The following CEBPZ variants were observed in gnomAD, a reference collection of about 807,000 sequenced individuals.
The protein encoded by CEBPZ is CCAAT enhancer binding protein zeta, also known as CCAAT/enhancer-binding protein zeta.
Under a neutral mutation model 104.5 loss-of-function variants are expected in CEBPZ, and 78 were observed. The ratio of observed to expected loss-of-function variants is 0.75; its 90% CI spans 0.62 to 0.90. The LOEUF is 0.90. Ranked by LOEUF, CEBPZ falls within the 40% of genes least tolerant of loss-of-function variation. The pLI is 0.00. For missense variants in CEBPZ, 1,439 were observed against 1,233.5 expected (o/e 1.17, Z -2.50); for synonymous variants, 470 against 427.0 (o/e 1.10, Z -1.24).
intron 13 of CEBPZ, among the ~76,000 whole-genome samples, chr2:37,206,156 A>G (rs1212735419): frequency 6.6e-6 from 1 of 152,172 alleles, no homozygotes; most frequent in Non-Finnish European, 1.5e-5. Flanking sequence ...TGTGCTGAGG[A>G]GGAAAATGGC....
At chr2:37,204,301 C>CA (rs922966524) in intron 13 of CEBPZ, 6 of 118,948 alleles carry the variant, frequency 5.0e-5, no homozygotes, top group African/African-American at 1.9e-4. Context: ...TTTTTTGAGA[C>CA]AGAGTCTCGC....
At chr2:37,203,293 A>T (rs1677371366) in intron 13 of CEBPZ, 1 of 216,048 alleles carries the variant, frequency 4.6e-6, no homozygotes, top group Non-Finnish European at 9.0e-6. Context: ...GAAATAACAT[A>T]GTATCAAGCA....
intron 13 of CEBPZ, chr2:37,203,524 T>A (rs1184860383): frequency 1.3e-5 from 2 of 152,274 alleles, no homozygotes; most frequent in African/African-American, 4.8e-5. Context: ...TTATTCAAAC[T>A]CTGCATCTTT....
At chr2:37,217,302 A>G (rs11895496) in intron 5 of CEBPZ, among the ~76,000 whole-genome samples, 3,350 of 151,900 alleles carry the variant, frequency 0.022, 73 homozygotes, top group African/African-American at 0.061. Flanking sequence ...TCAGGAGGCT[A>G]AAGTGGGAGG....
chr2:37,210,962 A>G, intron 13 of CEBPZ, 37 bp downstream of exon 13: 1 of 1,457,634 alleles, frequency 6.9e-7, no homozygotes, highest in South Asian at 1.2e-5. Flanking sequence ...TTTCACATGG[A>G]CACTGCTTTT....
At chr2:37,202,636 C>T (rs146531594) in intron 15 of CEBPZ, 148 bp downstream of exon 15, 37 of 389,306 alleles carry the variant, frequency 9.5e-5, no homozygotes, top group African/African-American at 2.7e-4. Flanking sequence ...GGGAGTGAGA[C>T]GCTGTCTCAA....
rs1460693423 is a variant in CEBPZ at position 37,211,071 on chromosome 2, G to A, written c.2812C>T (p.His938Tyr). ...CTTTTCTTAGTACTGACTTTGGAGTGGACTTCAAGTTCTGTTACACGAAAA... is the reference window on the plus strand; with the variant it reads ...CTTTTCTTAGTACTGACTTTGGAGTAGACTTCAAGTTCTGTTACACGAAAA... ...ESESVPELEV[H>Y]SKVSTKKSKR... Residue 938 changes from histidine (H) to tyrosine (Y), a missense_variant, in exon 13 of 16, where the codon CAC becomes TAC. By Grantham distance (83) the His-to-Tyr change is moderately conservative. Transcript: ENST00000234170. 2.5e-6 allele frequency: 4 copies of A among 1,604,558 alleles called. No individual in the cohort carries two copies. Among genetic ancestry groups the A allele is most frequent in the African/African-American group, 1.3e-5 (1 of 74,610 alleles).
At position 37,216,416 on chromosome 2, in the gene CEBPZ, T is replaced by C. The variant is rs138013608; in HGVS notation, c.2211A>G (p.Gly737=). Residue 737 remains glycine, a splice_region_variant and synonymous_variant, in exon 7 of 16, where the codon GGA becomes GGG. Coordinates refer to ENST00000234170, the MANE Select transcript of CEBPZ (RefSeq NM_005760.3). The stretch of plus-strand genomic sequence containing the variant: ...GGTCCCCTGAATACTGAATATAGTT[T>C]CCCTGAAAAGTGGAGCGGGGATTTA... ...VALFAKTILQ[G]NYIQYSGDPL... 2.8e-4 allele frequency: 442 copies of C among 1,603,986 alleles called. No individual in the cohort carries two copies. The highest frequency in any genetic ancestry group is 3.6e-4 in the Non-Finnish European group (418 of 1,174,812).
At chr2:37,209,658 AAAGAT>A (rs1317419222) in intron 13 of CEBPZ, 12 of 152,338 alleles carry the variant, frequency 7.9e-5, no homozygotes, top group Middle Eastern at 3.4e-3. Flanking sequence ...TCGAAGACTT[AAAGAT>A]AAGACCTGAA....
chr2:37,210,892 A>T, intron 13 of CEBPZ, 107 bp downstream of exon 13: 2 of 477,552 alleles, frequency 4.2e-6, no homozygotes, highest in African/African-American at 2.0e-5. Flanking sequence ...AACCCCCCCC[A>T]CCCCTGAATT....
chr2:37,204,857 T>TTAC (rs1353368195), intron 13 of CEBPZ: 1 of 152,204 alleles, frequency 6.6e-6, no homozygotes, highest in Non-Finnish European at 1.5e-5. Context: ...AAACAGTACT[T>TTAC]TACTATTTGA....
At chr2:37,215,284 T>C (rs1677841568) in intron 8 of CEBPZ, 1 of 178,156 alleles carries the variant, frequency 5.6e-6, no homozygotes, top group Non-Finnish European at 1.2e-5. Context: ...CAAAGAGTTA[T>C]TTTAATAAAT....
chr2:37,210,884 C>A, intron 13 of CEBPZ, 115 bp downstream of exon 13: 5 of 414,308 alleles, frequency 1.2e-5, no homozygotes, highest in South Asian at 5.0e-5. Context: ...TTAAAAAGAA[C>A]CCCCCCCACC....
Position 37,228,594 on chromosome 2 carries a change from T to C in CEBPZ, c.599A>G (p.Asp200Gly), listed in dbSNP as rs182728769. ...AAGGGTTTTGTACTTAGATACAACATCCTGAGGCTGGGGTTTCAAAGAATA... is the reference window on the plus strand; with the variant it reads ...AAGGGTTTTGTACTTAGATACAACACCCTGAGGCTGGGGTTTCAAAGAATA... ...NEYSLKPQPQ[D>G]VVSKYKTLAQ... Residue 200 changes from aspartate to glycine, a missense_variant, in exon 2 of 16, where the codon GAT becomes GGT. Coordinates refer to ENST00000234170, the MANE Select transcript of CEBPZ (RefSeq NM_005760.3). 220 of 1,614,238 alleles carry C rather than the reference T, an allele frequency of 1.4e-4. 3 individuals carry two copies. The Admixed American group carries it at 3.6e-3, about 27-fold the overall frequency.
chr2:37,229,026 A>AG lies in CEBPZ; in HGVS notation c.166dup (p.Leu56ProfsTer8), dbSNP rs770368877. 6.5e-7 allele frequency: 1 copy of AG among 1,535,988 alleles called. No individual in the cohort carries two copies. Among genetic ancestry groups the AG allele is most frequent in the South Asian group, 1.3e-5 (1 of 77,404 alleles). On this transcript the variant is annotated frameshift_variant, in exon 2 of 16. Coordinates refer to ENST00000234170, the MANE Select transcript of CEBPZ (RefSeq NM_005760.3). LOFTEE classifies it high-confidence loss of function. ...ATTCTCATCCAAAGTAGCCAGCATA[A>AG]GGTAATCTTGCTGCATTAAAAACAT...
chr2:37,218,552 G>T (rs1664692060), intron 5 of CEBPZ, among the ~76,000 whole-genome samples: 1 of 152,096 alleles, frequency 6.6e-6, no homozygotes, highest in South Asian at 2.1e-4. Flanking sequence ...TTGGCTTTTG[G>T]TACTTGCTAC....
At chr2:37,231,056 A>T (rs1055008603) in intron 1 of CEBPZ, among the ~76,000 whole-genome samples, 5 of 152,314 alleles carry the variant, frequency 3.3e-5, no homozygotes, top group Non-Finnish European at 7.3e-5. Flanking sequence ...ACTCTATGAG[A>T]ACAGAAATGA....
intron 2 of CEBPZ, among the ~76,000 whole-genome samples, chr2:37,223,983 G>C (rs1256368661): frequency 6.6e-6 from 1 of 152,154 alleles, no homozygotes; most frequent in African/African-American, 2.4e-5. Flanking sequence ...CCAACTCTCT[G>C]CATGTCCACA....
Position 37,216,153 on chromosome 2 carries a change from A to C in CEBPZ, c.2367T>G (p.Ile789Met), listed in dbSNP as rs1015998310. 1.9e-6 allele frequency: 3 copies of C among 1,611,776 alleles called. No homozygotes were observed. Among genetic ancestry groups the C allele is most frequent in the Non-Finnish European group, 2.5e-6 (3 of 1,178,770 alleles). ...QPKRKHFIKDIRHLPVNSKEF... is the reference protein window; with the variant it reads ...QPKRKHFIKDMRHLPVNSKEF... The stretch of plus-strand genomic sequence containing the variant: ...GTTTATACTTACCAGGAAGATGACG[A>C]ATATCCTTAATAAAATGTTTTCTTT... Residue 789 changes from isoleucine to methionine, a missense_variant, in exon 8 of 16, where the codon ATT (isoleucine) becomes ATG (methionine). Transcript: ENST00000234170.
Sources: gnomAD v4.1 joint callset for allele counts (sites outside exome capture counted in the v4.1 genomes callset) on GRCh38, gnomAD v4.1.1 for gene constraint, MANE v1.5 for transcripts, NCBI Gene and HGNC (gene_info 2026-07-23, HGNC 2026-07-21) for gene names.